MARK3: variants seen among roughly 807,000 people sequenced by gnomAD.
MARK3 encodes the protein microtubule affinity regulating kinase 3.
A neutral mutation model predicts 90.1 loss-of-function variants in MARK3; 46 were observed. The observed-to-expected ratio is 0.51, with a 90% CI of 0.40 to 0.65. The LOEUF (loss-of-function observed/expected upper bound fraction) is 0.65, where lower values mean the gene tolerates loss of function less well. Among genes scored for constraint, MARK3 ranks in the 30% least tolerant of loss-of-function variants. The probability of loss-of-function intolerance (pLI) is 0.00; values close to 1 mark genes in which losing one functional copy is unlikely to be tolerated. For missense variants in MARK3, 818 were observed against 947.2 expected, an observed-to-expected ratio of 0.86 and a Z score of 1.79; for synonymous variants, 321 against 332.6, an observed-to-expected ratio of 0.97 and a Z score of 0.38.
rs114377633 is a variant in MARK3 at position 103,422,691 on chromosome 14, G to A, written c.244-5696G>A. On this transcript the variant is annotated intron_variant, in intron 2 of 17. Transcript: ENST00000429436. Reference sequence around the variant, plus strand: ...ATACCATAGGTTTTGTCTGTTTGTTGTTTTAACATTGTACTAATAGAATGT... The same window carrying A: ...ATACCATAGGTTTTGTCTGTTTGTTATTTTAACATTGTACTAATAGAATGT... Among the ~76,000 whole-genome samples, 674 of 152,198 alleles carry A rather than the reference G, an allele frequency of 4.4e-3. 2 individuals are homozygous for A. Among genetic ancestry groups the A allele is most frequent in the African/African-American group, 0.015 (639 of 41,506 alleles).
At chr14:103,496,588 T>C (rs1348116256) in intron 15 of MARK3, among the ~76,000 whole-genome samples, 1 of 152,052 alleles carries the variant, frequency 6.6e-6, no homozygotes, top group Non-Finnish European at 1.5e-5. Flanking sequence ...AATTTTTGTA[T>C]TTTTAGTAGA....
intron 3 of MARK3, among the ~76,000 whole-genome samples, chr14:103,434,855 A>G (rs1334455663): frequency 6.6e-6 from 1 of 152,118 alleles, no homozygotes; most frequent in Non-Finnish European, 1.5e-5. Flanking sequence ...CTAATTTCAA[A>G]TTGGAAGGTA....
intron 13 of MARK3, among the ~76,000 whole-genome samples, chr14:103,478,709 T>C (rs1328432537): frequency 6.6e-6 from 1 of 152,012 alleles, no homozygotes; most frequent in Non-Finnish European, 1.5e-5. Context: ...CTGGATAATT[T>C]TGTATTTTTA....
intron 6 of MARK3, among the ~76,000 whole-genome samples, chr14:103,458,950 TA>T (rs34549338): frequency 1.6e-3 from 232 of 148,198 alleles, no homozygotes; most frequent in African/African-American, 5.0e-3. Flanking sequence ...TTTAAAGCTA[TA>T]AAAAAAAAAG....
chr14:103,427,803 C>T (rs150782453), intron 2 of MARK3, among the ~76,000 whole-genome samples: 90 of 152,232 alleles, frequency 5.9e-4, no homozygotes, highest in African/African-American at 2.1e-3. Context: ...GTGAGGACAA[C>T]CAGAGGTCAC....
Position 103,475,209 on chromosome 14 carries a change from G to A in MARK3, c.1481G>A (p.Ser494Asn). The stretch of plus-strand genomic sequence containing the variant: ...CGCAAGAAAAGCTCCACTGTCCCTA[G>A]TGTAAGTGTTGTTGAACTATAGAGT... The part of the protein sequence containing the change: ...PERKKSSTVP[S>N]SNTASGGMTR... Residue 494 changes from serine (S) to asparagine (N), a missense_variant and splice_region_variant, in exon 13 of 18, where the codon AGT (serine) becomes AAT (asparagine). Around this residue, in one of 3 missense-constraint regions of MARK3, gnomAD observed 560 missense variants for 613.5 expected, o/e 0.91. Coordinates refer to ENST00000429436, the MANE Select transcript of MARK3 (RefSeq NM_001128918.3). 1.2e-6 allele frequency: 2 copies of A among 1,612,678 alleles called. No homozygotes were observed. Among genetic ancestry groups the A allele is most frequent in the Non-Finnish European group, 1.7e-6 (2 of 1,179,832 alleles).
intron 6 of MARK3, among the ~76,000 whole-genome samples, chr14:103,458,108 G>A (rs564836710): frequency 6.6e-6 from 1 of 152,144 alleles, no homozygotes; most frequent in South Asian, 2.1e-4. Flanking sequence ...AACATTTTAG[G>A]CTTTGTGGGC....
chr14:103,461,903 G>A (rs1456029233), intron 6 of MARK3, among the ~76,000 whole-genome samples: 1 of 152,076 alleles, frequency 6.6e-6, no homozygotes, highest in East Asian at 1.9e-4. Context: ...GGGCATGGTG[G>A]TGCACACTTG....
chr14:103,430,645 G>A (rs918106563), intron 3 of MARK3, among the ~76,000 whole-genome samples: 4 of 152,100 alleles, frequency 2.6e-5, no homozygotes, highest in African/African-American at 9.7e-5. Flanking sequence ...GGCTCATTCA[G>A]GCAGTATTTT....
At chr14:103,477,005 C>T (rs993834231) in intron 13 of MARK3, among the ~76,000 whole-genome samples, 1 of 152,194 alleles carries the variant, frequency 6.6e-6, no homozygotes, top group South Asian at 2.1e-4. Context: ...CTCTTGTCTA[C>T]ACACGCTGCC....
chr14:103,405,314 AT>A (rs1356808925), intron 2 of MARK3, 47 bp downstream of exon 2: 1 of 1,366,820 alleles, frequency 7.3e-7, no homozygotes, highest in African/African-American at 1.5e-5. Flanking sequence ...TGCTCTGTTT[AT>A]TTCCATGTAA....
intron 7 of MARK3, among the ~76,000 whole-genome samples, chr14:103,463,990 A>G (rs112168284): frequency 4.1e-4 from 62 of 152,308 alleles, no homozygotes; most frequent in African/African-American, 1.4e-3. Context: ...TCTGCCTGAA[A>G]TACCCCTCAT....
intron 1 of MARK3, among the ~76,000 whole-genome samples, chr14:103,400,549 G>A (rs147748481): frequency 6.6e-6 from 1 of 152,088 alleles, no homozygotes; most frequent in Non-Finnish European, 1.5e-5. Context: ...TAATCCATAA[G>A]AATTAAACTC....
intron 14 of MARK3, among the ~76,000 whole-genome samples, chr14:103,485,061 T>TCCAA (rs2093899863): frequency 4.4e-5 from 1 of 22,622 alleles, no homozygotes; most frequent in African/African-American, 2.8e-4. Context: ...CTACTAAAAA[T>TCCAA]ACAAAAAAAA....
intron 4 of MARK3, 26 bp from the exon 5 acceptor site, chr14:103,451,892 C>G: frequency 6.4e-7 from 1 of 1,561,958 alleles, no homozygotes; most frequent in East Asian, 2.3e-5. Context: ...GTCTCTTTTT[C>G]TTCCGTGTCC....
At chr14:103,427,499 A>AAAAAAG in intron 2 of MARK3, among the ~76,000 whole-genome samples, 1 of 149,250 alleles carries the variant, frequency 6.7e-6, no homozygotes, top group East Asian at 1.9e-4. Context: ...GACTGTTTCA[A>AAAAAAG]AAAAAAAAAA....
At chr14:103,502,111 G>A (rs947454158) in intron 17 of MARK3, among the ~76,000 whole-genome samples, 2 of 152,148 alleles carry the variant, frequency 1.3e-5, no homozygotes, top group African/African-American at 2.4e-5. Flanking sequence ...GGTAAACCGC[G>A]GTGTTCCCTA....
At position 103,458,752 on chromosome 14, in the gene MARK3, A is replaced by C. The variant is rs756273972; in HGVS notation, c.483+1540A>C. 1.4e-5 allele frequency: 10 copies of C among 729,670 alleles called. No individual in the cohort carries two copies. The African/African-American group carries it at 1.7e-4, about 12-fold the overall frequency. The allele number at this position is 729,670 out of a possible 1,614,324, so 45.2% of individuals were successfully genotyped here. On this transcript the variant is annotated intron_variant, in intron 6 of 17. Coordinates refer to ENST00000429436, the MANE Select transcript of MARK3 (RefSeq NM_001128918.3). ...GGTTGTCAAGCTGGACAGACTATTA[A>C]AGTTCAAGTCTCCTTTGATTTGCTT...
intron 3 of MARK3, among the ~76,000 whole-genome samples, chr14:103,431,108 G>A (rs1041541920): frequency 6.6e-6 from 1 of 151,862 alleles, no homozygotes; most frequent in Non-Finnish European, 1.5e-5. Context: ...GTTTTTTTGA[G>A]ATGGAGTCTC....
Sources: gnomAD v4.1 joint callset for allele counts (sites outside exome capture counted in the v4.1 genomes callset) on GRCh38, gnomAD v4.1.1 for gene constraint, gnomAD v4.1.1 regional missense constraint, MANE v1.5 for transcripts, NCBI Gene and HGNC (gene_info 2026-07-23, HGNC 2026-07-21) for gene names.